The following ATP11A variants were observed in gnomAD, a reference collection of about 807,000 sequenced individuals.
ATP11A encodes the protein ATPase phospholipid transporting 11A, also known as phospholipid-transporting ATPase IH.
ATP11A carries 81 observed loss-of-function variants against 154.4 expected under a neutral mutation model. The observed-to-expected ratio is 0.52, with a 90% CI of 0.44 to 0.63. The LOEUF is 0.63. ATP11A is among the 30% of genes least tolerant of loss of function. The pLI is 0.00. For synonymous variants in ATP11A, 623 were observed against 585.9 expected (o/e 1.06, Z -0.91); for missense variants, 1,316 against 1,474.3 (o/e 0.89, Z 1.76).
chr13:112,698,465 G>T (rs1044986804), intron 1 of ATP11A, among the ~76,000 whole-genome samples: 5 of 152,174 alleles, frequency 3.3e-5, no homozygotes, highest in African/African-American at 9.7e-5. Context: ...ATTCACCACA[G>T]CTGTAATTGC....
intron 1 of ATP11A, among the ~76,000 whole-genome samples, chr13:112,718,436 C>CAAG (rs977432363): frequency 2.2e-4 from 33 of 152,276 alleles, no homozygotes; most frequent in Non-Finnish European, 4.4e-4. Flanking sequence ...ACAGCCTAAG[C>CAAG]AAGAAGACAA....
At chr13:112,750,650 C>T (rs1468883585) in intron 1 of ATP11A, among the ~76,000 whole-genome samples, 5 of 152,278 alleles carry the variant, frequency 3.3e-5, no homozygotes, top group African/African-American at 9.6e-5. Context: ...TTGAATCCCC[C>T]TTCAGCCTCT....
At chr13:112,761,882 C>T (rs968242219) in intron 1 of ATP11A, among the ~76,000 whole-genome samples, 1 of 152,174 alleles carries the variant, frequency 6.6e-6, no homozygotes. Context: ...GGCCAGGTTG[C>T]ATAGTGAACC....
intron 28 of ATP11A, among the ~76,000 whole-genome samples, chr13:112,876,848 G>A (rs1001947755): frequency 2.0e-5 from 3 of 152,064 alleles, no homozygotes; most frequent in Non-Finnish European, 4.4e-5. Context: ...GGCTCCCAGC[G>A]GTGCTGCTGT....
chr13:112,691,103 G>A (rs946879005), intron 1 of ATP11A, among the ~76,000 whole-genome samples: 2 of 152,188 alleles, frequency 1.3e-5, no homozygotes, highest in Non-Finnish European at 2.9e-5. Context: ...GGAAGACTCG[G>A]AAGGGGAAAA....
chr13:112,774,214 G>C (rs1182042432), intron 1 of ATP11A, among the ~76,000 whole-genome samples: 1 of 152,206 alleles, frequency 6.6e-6, no homozygotes, highest in South Asian at 2.1e-4. Flanking sequence ...GATTTTACTT[G>C]GGTCTGGTGC....
chr13:112,746,458 G>T lies in ATP11A; in HGVS notation c.40-38677G>T, dbSNP rs1222380617. The T allele has an allele frequency of 2.0e-5, 3 of 152,174 alleles. No individual in the cohort carries two copies. Among genetic ancestry groups the T allele is most frequent in the African/African-American group, 7.2e-5 (3 of 41,416 alleles). 9.4% of individuals were successfully genotyped at this position (152,174 alleles called of 1,614,324 possible). A position where few individuals can be genotyped will look rare whatever the true frequency, so the allele number is the denominator to read the frequency against. On this transcript the variant is annotated intron_variant, in intron 1 of 29. Coordinates refer to ENST00000375645, the MANE Select transcript of ATP11A (RefSeq NM_015205.3). The surrounding 1 kb of genome is among the most constrained non-coding windows in gnomAD (Gnocchi z 4.1). The stretch of plus-strand genomic sequence containing the variant: ...TCCTCCCCGGGTAACTGGGGCTCTG[G>T]TTCCCCACGTCCTCACCGGCACTTG...
rs9604410 is a variant in ATP11A at position 112,724,132 on chromosome 13, G to A, written c.39+33677G>A. ...CCCCTTCGCCCCCTTCTCCCCCATC[G>A]CCCCCTTCACCCCCTTTGCCCCTAT... On this transcript the variant is annotated intron_variant, in intron 1 of 29. Coordinates refer to ENST00000375645, the MANE Select transcript of ATP11A (RefSeq NM_015205.3). Among the ~76,000 whole-genome samples the A allele has an allele frequency of 1.5e-3, 60 of 39,412 alleles. 1 individual carries two copies. The highest frequency in any genetic ancestry group is 8.8e-3 in the Admixed American group (24 of 2,716). The allele number at this position is 39,412 out of a possible 152,430, so 25.9% of individuals were successfully genotyped here.
chr13:112,793,214 C>T (rs2077906487), intron 2 of ATP11A, among the ~76,000 whole-genome samples: 1 of 152,034 alleles, frequency 6.6e-6, no homozygotes, highest in Non-Finnish European at 1.5e-5. Context: ...CCTTTCTTTT[C>T]ATTTTTGAGA....
chr13:112,833,444 G>A (rs1203525208), intron 14 of ATP11A, among the ~76,000 whole-genome samples: 7 of 152,222 alleles, frequency 4.6e-5, no homozygotes, highest in Admixed American at 1.3e-4. Context: ...GAGCTGGTGC[G>A]GGACCTCTCA....
At chr13:112,779,878 T>C (rs2077455893) in intron 1 of ATP11A, among the ~76,000 whole-genome samples, 1 of 151,518 alleles carries the variant, frequency 6.6e-6, no homozygotes, top group Non-Finnish European at 1.5e-5. Context: ...CACTCCAGCC[T>C]GGGTGATGAG....
intron 1 of ATP11A, among the ~76,000 whole-genome samples, chr13:112,725,882 C>T (rs1263215527): frequency 6.6e-6 from 1 of 152,200 alleles, no homozygotes; most frequent in Non-Finnish European, 1.5e-5. Context: ...ACTCAGGAGC[C>T]CCTCCCCGGC....
At chr13:112,832,787 C>T in intron 13 of ATP11A, 73 bp from the exon 14 acceptor site, 2 of 1,549,090 alleles carry the variant, frequency 1.3e-6, no homozygotes, top group Non-Finnish European at 1.8e-6. Context: ...CTTGTTATCT[C>T]TCTGCGCCTG....
chr13:112,701,388 A>G (rs1426361965), intron 1 of ATP11A, among the ~76,000 whole-genome samples: 1 of 152,150 alleles, frequency 6.6e-6, no homozygotes, highest in Non-Finnish European at 1.5e-5. Flanking sequence ...AAGGTTATAG[A>G]ATACAGGAAT....
intron 29 of ATP11A, 67 bp downstream of exon 29, chr13:112,878,370 C>T (rs1245848207): frequency 1.9e-6 from 3 of 1,545,980 alleles, no homozygotes; most frequent in African/African-American, 2.7e-5. Context: ...ATGCCCATCA[C>T]CAGAGCCCTG....
chr13:112,841,567 G>C (rs2079420224), intron 16 of ATP11A, among the ~76,000 whole-genome samples: 1 of 150,526 alleles, frequency 6.6e-6, no homozygotes, highest in Non-Finnish European at 1.5e-5. Flanking sequence ...TGTGTCGGGA[G>C]CACCTGCGCC....
intron 25 of ATP11A, among the ~76,000 whole-genome samples, chr13:112,864,794 C>T (rs962239625): frequency 2.5e-5 from 2 of 79,604 alleles, no homozygotes; most frequent in Non-Finnish European, 4.7e-5. Flanking sequence ...AGCTTCTCAG[C>T]GGGGTCCATC....
At chr13:112,818,962 C>T (rs940432981) in intron 6 of ATP11A, among the ~76,000 whole-genome samples, 5 of 152,172 alleles carry the variant, frequency 3.3e-5, no homozygotes, top group African/African-American at 1.2e-4. Flanking sequence ...AACAACAGGG[C>T]GTTCTGTAAA....
intron 16 of ATP11A, 54 bp downstream of exon 16, chr13:112,836,305 A>T (rs1397842454): frequency 1.1e-5 from 12 of 1,107,092 alleles, no homozygotes; most frequent in Non-Finnish European, 1.5e-5. Flanking sequence ...GTTGTGTTTT[A>T]TTCTGATGAC....
Sources: gnomAD v4.1 joint callset for allele counts (sites outside exome capture counted in the v4.1 genomes callset) on GRCh38, gnomAD v4.1.1 for gene constraint, Gnocchi (gnomAD v3.1) non-coding constraint, MANE v1.5 for transcripts, NCBI Gene and HGNC (gene_info 2026-07-23, HGNC 2026-07-21) for gene names.